The following LYN variants were observed in gnomAD, a reference collection of about 807,000 sequenced individuals.
LYN encodes the protein tyrosine-protein kinase Lyn.
In LYN, 12 loss-of-function variants were observed where a neutral mutation model predicts 65.0. The ratio of observed to expected loss-of-function variants is 0.18; its 90% CI spans 0.12 to 0.30. The LOEUF is 0.30. Among genes scored for constraint, LYN ranks in the 10% least tolerant of loss-of-function variants. The probability of loss-of-function intolerance (pLI) is 1.00; values close to 1 mark genes in which losing one functional copy is unlikely to be tolerated. For synonymous variants in LYN, 222 were observed against 221.2 expected (o/e 1.00, Z -0.03); for missense variants, 380 against 623.2 (o/e 0.61, Z 4.16).
intron 1 of LYN, among the ~76,000 whole-genome samples, chr8:55,888,517 C>G (rs767602180): frequency 6.6e-6 from 1 of 152,168 alleles, no homozygotes; most frequent in Non-Finnish European, 1.5e-5. Flanking sequence ...AGCGAAGACA[C>G]GTTGAACACT....
intron 9 of LYN, among the ~76,000 whole-genome samples, chr8:55,968,372 C>T (rs1263422071): frequency 1.3e-5 from 2 of 152,180 alleles, no homozygotes; most frequent in Non-Finnish European, 2.9e-5. Flanking sequence ...TCTCCTGCCT[C>T]AGCCTCCCAA....
At chr8:55,965,406 G>A (rs1585646714) in intron 8 of LYN, among the ~76,000 whole-genome samples, 1 of 152,122 alleles carries the variant, frequency 6.6e-6, no homozygotes, top group South Asian at 2.1e-4. Flanking sequence ...TCCTTTTAGT[G>A]GGGGATCCTT....
chr8:55,943,598 A>AT (rs1192524227), intron 2 of LYN, among the ~76,000 whole-genome samples: 1 of 147,590 alleles, frequency 6.8e-6, no homozygotes, highest in Non-Finnish European at 1.5e-5. Flanking sequence ...AAAAAAAGGC[A>AT]TTTTTATAGT....
At chr8:55,919,430 T>A (rs944053923) in intron 1 of LYN, among the ~76,000 whole-genome samples, 3 of 152,154 alleles carry the variant, frequency 2.0e-5, no homozygotes, top group Non-Finnish European at 4.4e-5. Flanking sequence ...AATAATGGAA[T>A]AGAATACGCT....
intron 10 of LYN, among the ~76,000 whole-genome samples, chr8:55,977,751 CAAA>C (rs35305537): frequency 3.4e-5 from 4 of 117,622 alleles, no homozygotes; most frequent in Non-Finnish European, 3.5e-5. Context: ...CTATCTCTAC[CAAA>C]AAAAAAAAAA....
At chr8:55,913,676 G>A (rs532589681) in intron 1 of LYN, among the ~76,000 whole-genome samples, 7 of 152,344 alleles carry the variant, frequency 4.6e-5, no homozygotes, top group South Asian at 2.1e-4. Flanking sequence ...AGAATAGGAC[G>A]TGAGACAAGT....
At chr8:55,911,179 A>ATATG (rs1805612056) in intron 1 of LYN, among the ~76,000 whole-genome samples, 1 of 24,918 alleles carries the variant, frequency 4.0e-5, no homozygotes, top group Non-Finnish European at 9.8e-5. Flanking sequence ...ACACGTATAT[A>ATATG]TATATATATA....
At chr8:55,888,039 A>G (rs1453042867) in intron 1 of LYN, among the ~76,000 whole-genome samples, 1 of 152,200 alleles carries the variant, frequency 6.6e-6, no homozygotes, top group Non-Finnish European at 1.5e-5. Flanking sequence ...GATGGATATA[A>G]TTGTAAGAGT....
chr8:55,901,724 T>C (rs1272557779), intron 1 of LYN, among the ~76,000 whole-genome samples: 1 of 152,192 alleles, frequency 6.6e-6, no homozygotes, highest in Non-Finnish European at 1.5e-5. Context: ...TGCTCTATCC[T>C]AGACTGACCA....
intron 12 of LYN, among the ~76,000 whole-genome samples, chr8:56,001,346 G>T (rs1340744247): frequency 6.6e-6 from 1 of 152,196 alleles, no homozygotes; most frequent in Non-Finnish European, 1.5e-5. Context: ...AGTGGCTCAG[G>T]GAGAGACTTA....
intron 8 of LYN, among the ~76,000 whole-genome samples, chr8:55,964,241 G>A (rs529312887): frequency 1.4e-4 from 21 of 149,244 alleles, no homozygotes; most frequent in East Asian, 5.9e-4. Flanking sequence ...TTTTTGTTTT[G>A]TTTTAGAGAA....
Position 55,924,124 on chromosome 8 carries a change from T to C in LYN, c.-5-17731T>C, listed in dbSNP as rs531528695. ...CCAGTTTTACAAATATATGCTGCTG[T>C]TGAAAGGAAGATAGCATGATCTAAT... On this transcript the variant is annotated intron_variant, in intron 1 of 12. Coordinates refer to ENST00000519728, the MANE Select transcript of LYN (RefSeq NM_002350.4). Among the ~76,000 whole-genome samples the C allele has an allele frequency of 7.2e-5, 11 of 152,016 alleles. No individual in the cohort carries two copies. The East Asian group carries it at 1.9e-3, about 27-fold the overall frequency.
chr8:55,879,877 C>A lies in LYN; in HGVS notation c.-232C>A. On this transcript the variant is annotated 5_prime_UTR_variant, in exon 1 of 13. Transcript: ENST00000519728. ...GCCGGGCCGCGCTGCCGCTCGCTCC[C>A]CGGCCGTGGCGCCTCCGGGCCAGAC... The A allele has an allele frequency of 5.3e-6, 1 of 189,478 alleles. No homozygotes were observed. The highest frequency in any genetic ancestry group is 5.5e-4 in the Middle Eastern group (1 of 1,814). 11.7% of individuals were successfully genotyped at this position (189,478 alleles called of 1,614,324 possible). A position where few individuals can be genotyped will look rare whatever the true frequency, so the allele number is the denominator to read the frequency against.
At chr8:55,962,769 A>G (rs1421853306) in intron 8 of LYN, among the ~76,000 whole-genome samples, 1 of 152,228 alleles carries the variant, frequency 6.6e-6, no homozygotes, top group East Asian at 1.9e-4. Flanking sequence ...GAGACTGGGT[A>G]ACTTATAAAG....
At chr8:55,981,253 A>T (rs555289358) in intron 10 of LYN, among the ~76,000 whole-genome samples, 3 of 151,560 alleles carry the variant, frequency 2.0e-5, no homozygotes, top group East Asian at 3.9e-4. Context: ...TGCTTACTCC[A>T]TTCTCCTCAG....
intron 11 of LYN, among the ~76,000 whole-genome samples, chr8:55,999,096 G>A (rs1206486081): frequency 6.6e-6 from 1 of 152,188 alleles, no homozygotes; most frequent in Non-Finnish European, 1.5e-5. Flanking sequence ...TGCCCACGTG[G>A]TTATGACTGA....
At chr8:55,924,368 T>C (rs1056230160) in intron 1 of LYN, among the ~76,000 whole-genome samples, 1 of 152,016 alleles carries the variant, frequency 6.6e-6, no homozygotes, top group African/African-American at 2.4e-5. Context: ...CTCATTTTTT[T>C]TTTTCTTTTT....
intron 12 of LYN, among the ~76,000 whole-genome samples, chr8:56,000,727 CAAAAAAAAAAAAAAAA>C (rs1043054300): frequency 6.4e-5 from 3 of 46,832 alleles, no homozygotes; most frequent in African/African-American, 2.1e-4. Context: ...GACTCTGTCT[CAAAAAAAAAAAAAAAA>C]AAAAAAAAAA....
chr8:55,881,806 A>G (rs1804660278), intron 1 of LYN, among the ~76,000 whole-genome samples: 1 of 152,176 alleles, frequency 6.6e-6, no homozygotes, highest in Admixed American at 6.6e-5. Flanking sequence ...GTCTGTATTA[A>G]CCATTACAGT....
Sources: allele counts gnomAD v4.1 joint callset (sites outside exome capture counted in the v4.1 genomes callset), GRCh38; gene constraint gnomAD v4.1.1; transcripts MANE v1.5; gene names NCBI Gene and HGNC (gene_info 2026-07-23, HGNC 2026-07-21).